ZNF709: variants seen among roughly 807,000 people sequenced by gnomAD.
The protein encoded by ZNF709 is zinc finger protein 709.
Under a neutral mutation model 10.6 loss-of-function variants are expected in ZNF709, and 15 were observed. The ratio of observed to expected loss-of-function variants is 1.41; its 90% CI spans 0.95 to 2.18. The LOEUF is 2.18. Ranked by LOEUF, ZNF709 falls within the 30% of genes most tolerant of loss-of-function variation. ZNF709 has a pLI of 0.00. For missense variants in ZNF709, 589 were observed against 774.0 expected, an observed-to-expected ratio of 0.76 and a Z score of 2.84; for synonymous variants, 194 against 238.8, an observed-to-expected ratio of 0.81 and a Z score of 1.73.
rs1031911443 is a variant in ZNF709, at chr19:12,463,724, C to G, written c.*272G>C. 1 of 245,884 alleles carries G rather than the reference C, an allele frequency of 4.1e-6. No homozygotes were observed. Among genetic ancestry groups the G allele is most frequent in the African/African-American group, 2.2e-5 (1 of 44,892 alleles). The allele number at this position is 245,884 out of a possible 1,614,324, so 15.2% of individuals were successfully genotyped here. On this transcript the variant is annotated 3_prime_UTR_variant, in exon 4 of 4. Transcript: ENST00000397732. Reference sequence around the variant, plus strand: ...GGTGGATCGTCTGAGGTCAGGAGTTCGAGACCAGCCTGGCCAACATGGCGA... The same window carrying G: ...GGTGGATCGTCTGAGGTCAGGAGTTGGAGACCAGCCTGGCCAACATGGCGA...
At chr19:12,468,765 G>GA (rs2070332506) in intron 1 of ZNF709, among the ~76,000 whole-genome samples, 1 of 150,718 alleles carries the variant, frequency 6.6e-6, no homozygotes, top group African/African-American at 2.4e-5. Flanking sequence ...TTCCTTGTAA[G>GA]AAAAATACTT....
chr19:12,468,098 C>T (rs1206364677), intron 1 of ZNF709, among the ~76,000 whole-genome samples: 3 of 151,516 alleles, frequency 2.0e-5, no homozygotes, highest in Admixed American at 6.6e-5. Flanking sequence ...CCCGGCCAGC[C>T]GCCCAGTCCA....
chr19:12,481,591 C>T (rs887724077), intron 1 of ZNF709, among the ~76,000 whole-genome samples: 3 of 151,986 alleles, frequency 2.0e-5, no homozygotes, highest in Admixed American at 1.3e-4. Flanking sequence ...AATCGACTTA[C>T]ATTTTCAAAC....
In ZNF709 at chr19:12,484,713, G is replaced by T. The variant is rs1257414713; in HGVS notation, c.-56C>A. On this transcript the variant is annotated 5_prime_UTR_variant, in exon 1 of 4. In the 5' UTR this introduces an upstream ATG that the reference lacks. Coordinates refer to ENST00000397732, the MANE Select transcript of ZNF709 (RefSeq NM_152601.4). ...GTTTACCTCTCCCGCGGCCAGCACAGGTCCTACCTCCACCTGAGGCCCTTC... is the reference window on the plus strand; with the variant it reads ...GTTTACCTCTCCCGCGGCCAGCACATGTCCTACCTCCACCTGAGGCCCTTC... The T allele has an allele frequency of 2.5e-6, 4 of 1,613,356 alleles. No individual in the cohort carries two copies. In the African/African-American group the frequency reaches 4.0e-5, roughly 16 times the overall value.
chr19:12,470,187 C>T (rs1347625814), intron 1 of ZNF709, among the ~76,000 whole-genome samples: 1 of 152,152 alleles, frequency 6.6e-6, no homozygotes, highest in Non-Finnish European at 1.5e-5. Context: ...ATAGGAATCC[C>T]TCAGTGGCAT....
chr19:12,463,805 T>C lies in ZNF709; in HGVS notation c.*191A>G, dbSNP rs1275676430. The C allele has an allele frequency of 2.3e-5, 10 of 429,062 alleles. No individual in the cohort carries two copies. The highest frequency in any genetic ancestry group is 6.2e-4 in the Middle Eastern group (1 of 1,626). The allele number at this position is 429,062 out of a possible 1,614,324, so 26.6% of individuals were successfully genotyped here. Reference sequence around the variant, plus strand: ...AAGTGGGCATGGTCGTTCACACCTGTTGTCCCAGCTACTCAGGAAGCTGAG... The same window carrying C: ...AAGTGGGCATGGTCGTTCACACCTGCTGTCCCAGCTACTCAGGAAGCTGAG... On this transcript the variant is annotated 3_prime_UTR_variant, in exon 4 of 4. Coordinates refer to ENST00000397732, the MANE Select transcript of ZNF709 (RefSeq NM_152601.4).
Position 12,463,952 on chromosome 19 carries a change from A to G in ZNF709, c.*44T>C. 7.5e-7 allele frequency: 1 copy of G among 1,326,982 alleles called. No individual in the cohort carries two copies. Among genetic ancestry groups the G allele is most frequent in the Non-Finnish European group, 9.9e-7 (1 of 1,012,266 alleles). The allele number at this position is 1,326,982 out of a possible 1,614,324, so 82.2% of individuals were successfully genotyped here. A position where few individuals can be genotyped will look rare whatever the true frequency, so the allele number is the denominator to read the frequency against. On this transcript the variant is annotated 3_prime_UTR_variant, in exon 4 of 4. Transcript: ENST00000397732. ...AAAAAAAAAAAAAAAAAAAAAGGAA[A>G]TAGGACAACTGAAAACTTTGCCATA... is the stretch of plus-strand genomic sequence containing the variant.
At chr19:12,473,012 C>A (rs940099743) in intron 1 of ZNF709, among the ~76,000 whole-genome samples, 1 of 152,184 alleles carries the variant, frequency 6.6e-6, no homozygotes, top group Non-Finnish European at 1.5e-5. Context: ...GTATTGATGA[C>A]CACTGCCAAT....
At chr19:12,474,847 T>G (rs4804702) in intron 1 of ZNF709, among the ~76,000 whole-genome samples, 2 of 152,018 alleles carry the variant, frequency 1.3e-5, no homozygotes, top group Non-Finnish European at 2.9e-5. Flanking sequence ...AGAATATTCT[T>G]ATACATAATG....
At chr19:12,471,956 T>C (rs1333710409) in intron 1 of ZNF709, among the ~76,000 whole-genome samples, 1 of 151,880 alleles carries the variant, frequency 6.6e-6, no homozygotes, top group African/African-American at 2.4e-5. Flanking sequence ...TCAAGAAAGT[T>C]AAAAGACAAA....
intron 1 of ZNF709, among the ~76,000 whole-genome samples, chr19:12,484,200 C>T (rs943536826): frequency 1.3e-5 from 2 of 152,162 alleles, no homozygotes; most frequent in African/African-American, 4.8e-5. Context: ...CTGGAGGACA[C>T]GGTCGTGGGT....
intron 2 of ZNF709, 99 bp from the exon 3 acceptor site, chr19:12,466,618 T>C: frequency 6.2e-7 from 1 of 1,603,744 alleles, no homozygotes; most frequent in Non-Finnish European, 8.5e-7. Flanking sequence ...GTCTGATTTA[T>C]TTACCAAAGT....
At chr19:12,465,754 AAAACG>A (rs751647325) in intron 3 of ZNF709, 21 bp from the exon 4 acceptor site, 52 of 1,470,680 alleles carry the variant, frequency 3.5e-5, no homozygotes, top group Admixed American at 3.3e-4. Context: ...AAAACAAAAC[AAAACG>A]CACAATTAGT....
At chr19:12,466,587 T>C in intron 2 of ZNF709, 68 bp from the exon 3 acceptor site, 2 of 1,605,884 alleles carry the variant, frequency 1.2e-6, no homozygotes, top group Non-Finnish European at 1.7e-6. Flanking sequence ...AGATTCTAAA[T>C]CTAGGATGAG....
chr19:12,483,328 T>TTTTTTTTA (rs1568250205), intron 1 of ZNF709, among the ~76,000 whole-genome samples: 1 of 134,622 alleles, frequency 7.4e-6, no homozygotes, highest in Non-Finnish European at 1.6e-5. Flanking sequence ...TTTTTTTTTT[T>TTTTTTTTA]TTTCTAGTAG....
Position 12,463,493 on chromosome 19 carries a change from A to G in ZNF709, c.*503T>C, listed in dbSNP as rs1312238252. ...ATGGTCCTTAAAAGGTCATATGACC[A>G]TTGAAGGTTTTCCCACACTGCCTAC... On this transcript the variant is annotated 3_prime_UTR_variant, in exon 4 of 4. Transcript: ENST00000397732. The G allele has an allele frequency of 6.6e-6, 1 of 152,336 alleles. No homozygotes were observed. Among genetic ancestry groups the G allele is most frequent in the Non-Finnish European group, 1.5e-5 (1 of 68,120 alleles). 9.4% of individuals were successfully genotyped at this position (152,336 alleles called of 1,614,324 possible).
intron 1 of ZNF709, among the ~76,000 whole-genome samples, chr19:12,482,598 G>GT (rs963331866): frequency 2.0e-5 from 3 of 152,058 alleles, no homozygotes; most frequent in African/African-American, 7.2e-5. Context: ...ATTACACTGA[G>GT]TGCACCTACA....
chr19:12,482,156 AACACACACACACAC>A (rs34621481), intron 1 of ZNF709, among the ~76,000 whole-genome samples: 1 of 128,370 alleles, frequency 7.8e-6, no homozygotes, highest in South Asian at 2.6e-4. Context: ...CACACACACA[AACACACACACACAC>A]ACACACACAC....
At chr19:12,481,752 A>T (rs1236351257) in intron 1 of ZNF709, among the ~76,000 whole-genome samples, 2 of 152,036 alleles carry the variant, frequency 1.3e-5, no homozygotes, top group Non-Finnish European at 2.9e-5. Flanking sequence ...TCTACAAAAA[A>T]TTTACAAATT....
Sources: allele counts gnomAD v4.1 joint callset (sites outside exome capture counted in the v4.1 genomes callset), GRCh38; gene constraint gnomAD v4.1.1; transcripts MANE v1.5; gene names NCBI Gene and HGNC (gene_info 2026-07-23, HGNC 2026-07-21).